The following SAMMSON variants were observed in gnomAD, a reference collection of about 807,000 sequenced individuals.
SAMMSON encodes the protein survival associated mitochondrial melanoma specific oncogenic non-coding RNA.
intron 4 of SAMMSON, among the ~76,000 whole-genome samples, chr3:70,077,627 A>T (rs2067253624): frequency 1.3e-5 from 2 of 152,188 alleles, no homozygotes; most frequent in Admixed American, 6.6e-5. Context: ...CCTATATCAG[A>T]ATATAAAACA....
intron 4 of SAMMSON, among the ~76,000 whole-genome samples, chr3:70,167,892 T>G (rs762964413): frequency 3.3e-5 from 5 of 151,944 alleles, no homozygotes; most frequent in Non-Finnish European, 7.4e-5. Flanking sequence ...AAGGATTGCT[T>G]GAACAGCTTG....
At chr3:70,304,974 C>T (rs1310295772) in intron 7 of SAMMSON, among the ~76,000 whole-genome samples, 1 of 151,980 alleles carries the variant, frequency 6.6e-6, no homozygotes, top group East Asian at 1.9e-4. Flanking sequence ...ACAGGCTGTT[C>T]TCTCCAATGG....
rs867829240 is a variant in SAMMSON at position 70,315,894 on chromosome 3, T to A, written n.739+24651T>A. On this transcript the variant is annotated intron_variant and non_coding_transcript_variant, in intron 7 of 9. Coordinates refer to ENST00000642114, the Ensembl canonical transcript of SAMMSON. The stretch of plus-strand genomic sequence containing the variant: ...GAAGAGTAAATACATCTTTAAATGA[T>A]TCCCTGTACAAAGAGTGTTCATTGA... Among the ~76,000 whole-genome samples, 134 of 152,228 alleles carry A rather than the reference T, an allele frequency of 8.8e-4. 1 individual carries two copies. Among genetic ancestry groups the A allele is most frequent in the African/African-American group, 3.1e-3 (129 of 41,566 alleles).
At chr3:70,211,552 C>T (rs867715605) in intron 4 of SAMMSON, among the ~76,000 whole-genome samples, 426 of 41,752 alleles carry the variant, frequency 0.01, 45 homozygotes, top group East Asian at 0.025. Context: ...CTTCCCTTCC[C>T]TTCCCTTTGC....
intron 6 of SAMMSON, among the ~76,000 whole-genome samples, chr3:70,286,512 C>T (rs145567688): frequency 0.41 from 61,655 of 149,632 alleles, 13,253 homozygotes; most frequent in East Asian, 0.63. Flanking sequence ...AGCTTTGTTC[C>T]TTTGGCTTAG....
intron 7 of SAMMSON, among the ~76,000 whole-genome samples, chr3:70,314,078 C>T (rs771487177): frequency 6.6e-5 from 10 of 152,136 alleles, no homozygotes; most frequent in Non-Finnish European, 1.5e-4. Context: ...TGATCTTACC[C>T]TTCTCTGATC....
At chr3:70,108,665 T>C (rs2067377090) in intron 4 of SAMMSON, among the ~76,000 whole-genome samples, 1 of 151,456 alleles carries the variant, frequency 6.6e-6, no homozygotes, top group South Asian at 2.1e-4. Context: ...ATGATGAGAT[T>C]AGTGCTTTTG....
At chr3:70,349,603 G>A (rs1374626326) in intron 7 of SAMMSON, among the ~76,000 whole-genome samples, 1 of 152,132 alleles carries the variant, frequency 6.6e-6, no homozygotes, top group African/African-American at 2.4e-5. Context: ...TTTCTATGTG[G>A]TCATTAAATG....
chr3:70,189,616 A>C (rs2106710796), intron 4 of SAMMSON, among the ~76,000 whole-genome samples: 1 of 152,324 alleles, frequency 6.6e-6, no homozygotes, highest in South Asian at 2.1e-4. Context: ...ATGAAAAGGT[A>C]AAAAATATGT....
intron 3 of SAMMSON, among the ~76,000 whole-genome samples, chr3:70,037,473 A>G (rs1455513812): frequency 6.6e-6 from 1 of 152,136 alleles, no homozygotes; most frequent in African/African-American, 2.4e-5. Context: ...TCTACAGTAG[A>G]AGAGGATGAG....
chr3:70,145,883 A>G (rs1255267278), intron 4 of SAMMSON, among the ~76,000 whole-genome samples: 2 of 151,926 alleles, frequency 1.3e-5, no homozygotes, highest in Admixed American at 6.6e-5. Context: ...TAGAAATAAA[A>G]TTAAAAAATA....
At chr3:70,367,636 T>C (rs1423384040) in intron 9 of SAMMSON, among the ~76,000 whole-genome samples, 2 of 151,694 alleles carry the variant, frequency 1.3e-5, no homozygotes, top group African/African-American at 4.8e-5. Flanking sequence ...TTGATGAACA[T>C]TTAGGTGGAT....
intron 6 of SAMMSON, among the ~76,000 whole-genome samples, chr3:70,285,753 A>G (rs1275759837): frequency 6.6e-6 from 1 of 151,844 alleles, no homozygotes; most frequent in Non-Finnish European, 1.5e-5. Flanking sequence ...TGCCATTCTA[A>G]CTGGTGTGAG....
At chr3:70,034,768 T>TG (rs1185285045) in intron 3 of SAMMSON, among the ~76,000 whole-genome samples, 1 of 152,070 alleles carries the variant, frequency 6.6e-6, no homozygotes, top group Non-Finnish European at 1.5e-5. Flanking sequence ...TGCTTGAATC[T>TG]GGGAGGCGGA....
At chr3:70,098,203 G>A (rs1261047038) in intron 4 of SAMMSON, among the ~76,000 whole-genome samples, 5 of 152,138 alleles carry the variant, frequency 3.3e-5, no homozygotes, top group Non-Finnish European at 5.9e-5. Flanking sequence ...GATAAAGTCA[G>A]CATCTTGTCC....
At chr3:70,015,861 G>A (rs548508300) in intron 3 of SAMMSON, among the ~76,000 whole-genome samples, 4 of 152,080 alleles carry the variant, frequency 2.6e-5, no homozygotes, top group Admixed American at 2.6e-4. Flanking sequence ...ATGGTTTCCA[G>A]CTTCATCCGT....
intron 3 of SAMMSON, among the ~76,000 whole-genome samples, chr3:70,059,118 A>T (rs933783993): frequency 1.3e-5 from 2 of 152,116 alleles, no homozygotes; most frequent in African/African-American, 4.8e-5. Context: ...TTGTAGGATG[A>T]TAGAAGTATG....
intron 4 of SAMMSON, among the ~76,000 whole-genome samples, chr3:70,227,584 C>T (rs1701520062): frequency 6.6e-6 from 1 of 152,264 alleles, no homozygotes; most frequent in African/African-American, 2.4e-5. Context: ...AAAAGTTGAA[C>T]ATAGATTACT....
At chr3:70,103,493 A>G (rs2067354107) in intron 4 of SAMMSON, among the ~76,000 whole-genome samples, 1 of 152,178 alleles carries the variant, frequency 6.6e-6, no homozygotes, top group Admixed American at 6.5e-5. Context: ...ACATCTATAC[A>G]TTTTTATGGT....
Sources: gnomAD v4.1 joint callset for allele counts (sites outside exome capture counted in the v4.1 genomes callset) on GRCh38, gnomAD v4.1.1 for gene constraint, MANE v1.5 for transcripts, NCBI Gene and HGNC (gene_info 2026-07-23, HGNC 2026-07-21) for gene names.